DTNA: variants seen among roughly 807,000 people sequenced by gnomAD.
DTNA encodes dystrobrevin alpha.
In DTNA, 43 loss-of-function variants were observed where a neutral mutation model predicts 100.7. The ratio of observed to expected loss-of-function variants is 0.43; its 90% confidence interval spans 0.33 to 0.55. The LOEUF (loss-of-function observed/expected upper bound fraction) is 0.55. Among genes scored for constraint, DTNA ranks in the 20% least tolerant of loss-of-function variants. The pLI is 0.04. For synonymous variants in DTNA, 349 were observed against 347.9 expected (o/e 1.00, Z -0.04); for missense variants, 798 against 953.9 (o/e 0.84, Z 2.15).
chr18:34,607,402 A>G (rs1221315978), intron 1 of DTNA, among the ~76,000 whole-genome samples: 1 of 152,218 alleles, frequency 6.6e-6, no homozygotes, highest in African/African-American at 2.4e-5. Context: ...TGTTAGATGT[A>G]ACAGATTTCA....
chr18:34,813,942 A>G (rs1037961289), intron 6 of DTNA, among the ~76,000 whole-genome samples: 1 of 151,734 alleles, frequency 6.6e-6, no homozygotes, highest in African/African-American at 2.4e-5. Context: ...TGCTAAATGT[A>G]TGGCTCCTTT....
intron 3 of DTNA, among the ~76,000 whole-genome samples, chr18:34,781,439 ATTAAC>A (rs1329526142): frequency 2.6e-5 from 4 of 152,216 alleles, no homozygotes; most frequent in African/African-American, 7.2e-5. Flanking sequence ...AATATACATT[ATTAAC>A]TTTAGTCACC....
At chr18:34,604,976 A>G (rs1028879895) in intron 1 of DTNA, among the ~76,000 whole-genome samples, 1 of 152,032 alleles carries the variant, frequency 6.6e-6, no homozygotes, top group Non-Finnish European at 1.5e-5. Context: ...CTTGAAGGTC[A>G]TTCATATATA....
intron 10 of DTNA, among the ~76,000 whole-genome samples, chr18:34,828,029 A>T (rs901948134): frequency 1.3e-5 from 2 of 152,150 alleles, no homozygotes; most frequent in African/African-American, 4.8e-5. Context: ...TCAGGATGCA[A>T]TGGTGTGTTA....
At chr18:34,840,278 T>A (rs1334452854) in intron 13 of DTNA, among the ~76,000 whole-genome samples, 1 of 152,200 alleles carries the variant, frequency 6.6e-6, no homozygotes, top group Non-Finnish European at 1.5e-5. Context: ...TAGTATCCAC[T>A]TTTTCACAAC....
At chr18:34,760,994 G>C (rs767651292) in intron 2 of DTNA, among the ~76,000 whole-genome samples, 42 of 151,922 alleles carry the variant, frequency 2.8e-4, no homozygotes, top group Non-Finnish European at 1.5e-4. Context: ...ACCTTACTTA[G>C]CTCAATGAGG....
At chr18:34,874,177 C>T (rs969336966) in intron 17 of DTNA, among the ~76,000 whole-genome samples, 2 of 152,154 alleles carry the variant, frequency 1.3e-5, no homozygotes, top group Non-Finnish European at 2.9e-5. Context: ...TATTCCAGAG[C>T]ATTGCTCTGG....
At chr18:34,809,935 G>A (rs934801260) in intron 5 of DTNA, among the ~76,000 whole-genome samples, 2 of 152,072 alleles carry the variant, frequency 1.3e-5, no homozygotes, top group African/African-American at 2.4e-5. Context: ...GATGAAGGGC[G>A]CCCCCTGCAG....
At chr18:34,511,004 T>C (rs1490971938) in intron 1 of DTNA, among the ~76,000 whole-genome samples, 1 of 152,048 alleles carries the variant, frequency 6.6e-6, no homozygotes, top group East Asian at 1.9e-4. Context: ...AGTGAATTCA[T>C]GAAAGTCCAT....
chr18:34,613,314 G>C (rs548073716), intron 1 of DTNA, among the ~76,000 whole-genome samples: 40 of 152,174 alleles, frequency 2.6e-4, no homozygotes, highest in Non-Finnish European at 5.0e-4. Flanking sequence ...ACACAGTAAT[G>C]TTGAAATTAG....
In DTNA at chr18:34,548,463, T is replaced by C. The variant is rs185615958; in HGVS notation, c.-2+54949T>C. 2.2e-3 allele frequency among the ~76,000 whole-genome samples: 333 copies of C among 152,262 alleles called. 3 individuals carry two copies. The highest frequency in any genetic ancestry group is 3.8e-3 in the Non-Finnish European group (258 of 67,984). ...AGAAACAATCTCATTTGAGGAAAACTTGATGATAATTAACATTTTATAAGG... is the reference window on the plus strand; with the variant it reads ...AGAAACAATCTCATTTGAGGAAAACCTGATGATAATTAACATTTTATAAGG... On this transcript the variant is annotated intron_variant, in intron 1 of 19. Transcript: ENST00000283365.
chr18:34,794,378 G>T (rs2094882167), intron 4 of DTNA, 128 bp downstream of exon 4: 1 of 1,034,098 alleles, frequency 9.7e-7, no homozygotes, highest in Non-Finnish European at 1.4e-6. Context: ...TCTTACAGTG[G>T]ATGCTTATGT....
chr18:34,778,439 A>G (rs958279449), intron 3 of DTNA, among the ~76,000 whole-genome samples: 1 of 152,196 alleles, frequency 6.6e-6, no homozygotes, highest in African/African-American at 2.4e-5. Flanking sequence ...TGCTTTTTAA[A>G]AAGGTTGTTA....
intron 2 of DTNA, among the ~76,000 whole-genome samples, chr18:34,759,185 C>G (rs2092978112): frequency 6.6e-6 from 1 of 152,138 alleles, no homozygotes; most frequent in African/African-American, 2.4e-5. Flanking sequence ...CAAAAAAACC[C>G]TCTAGTTAAA....
intron 17 of DTNA, among the ~76,000 whole-genome samples, chr18:34,865,555 A>G (rs977541716): frequency 5.3e-5 from 8 of 152,158 alleles, no homozygotes; most frequent in Admixed American, 5.2e-4. Flanking sequence ...GTAGAATTCA[A>G]TTCTTGTTGA....
intron 1 of DTNA, among the ~76,000 whole-genome samples, chr18:34,670,442 C>T (rs2076584295): frequency 6.6e-6 from 1 of 152,200 alleles, no homozygotes; most frequent in Admixed American, 6.5e-5. Flanking sequence ...ATTCTCCGTC[C>T]AGCTTTGTTC....
intron 16 of DTNA, among the ~76,000 whole-genome samples, chr18:34,862,674 C>A (rs1568825419): frequency 6.6e-6 from 1 of 152,026 alleles, no homozygotes; most frequent in Non-Finnish European, 1.5e-5. Context: ...GTGGCACATG[C>A]CTGTAGTATC....
At chr18:34,746,304 A>C (rs2091572804) in intron 1 of DTNA, among the ~76,000 whole-genome samples, 1 of 152,032 alleles carries the variant, frequency 6.6e-6, no homozygotes, top group Admixed American at 6.6e-5. Context: ...CATGAATAGT[A>C]ATGTTCTACA....
At chr18:34,614,714 TTG>T (rs2054894965) in intron 1 of DTNA, among the ~76,000 whole-genome samples, 1 of 152,192 alleles carries the variant, frequency 6.6e-6, no homozygotes, top group Non-Finnish European at 1.5e-5. Flanking sequence ...TTGATAGAAC[TTG>T]AAAACAAGAG....
Sources: allele counts gnomAD v4.1 joint callset (sites outside exome capture counted in the v4.1 genomes callset), GRCh38; gene constraint gnomAD v4.1.1; transcripts MANE v1.5; gene names NCBI Gene and HGNC (gene_info 2026-07-23, HGNC 2026-07-21).